The following SETDB1 variants were observed in gnomAD, a reference collection of about 807,000 sequenced individuals.
SETDB1 encodes the protein SET domain bifurcated histone lysine methyltransferase 1.
In SETDB1, 31 loss-of-function variants were observed where a neutral mutation model predicts 137.4. The ratio of observed to expected loss-of-function variants is 0.23; its 90% CI spans 0.17 to 0.30. The LOEUF is 0.30. SETDB1 is among the 10% of genes least tolerant of loss of function. The pLI, the probability that SETDB1 is intolerant of heterozygous loss-of-function variation, is 1.00. For missense variants in SETDB1, 1,113 were observed against 1,631.5 expected, an observed-to-expected ratio of 0.68 and a Z score of 5.47; for synonymous variants, 548 against 579.9, an observed-to-expected ratio of 0.95 and a Z score of 0.79.
rs777022782 is a variant in SETDB1 at position 150,959,324 on chromosome 1, G to C, written c.2480G>C (p.Gly827Ala). 3.1e-6 allele frequency: 5 copies of C among 1,605,708 alleles called. No homozygotes were observed. Among genetic ancestry groups the C allele is most frequent in the East Asian group, 2.3e-5 (1 of 44,420 alleles). ...CGCTGCTTGGATGACATTGCCAAAG[G>C]CTCTTTTGTTTGTATTTATGCAGGT... ...GIRCLDDIAK[G>A]SFVCIYAGKI... The change falls in exon 15 of 22, where the codon GGC (glycine) becomes GCC (alanine). Residue 827 changes from glycine to alanine, a missense_variant. Physicochemically the swap from Gly to Ala is moderately conservative, Grantham distance 60 (BLOSUM62 0). Coordinates refer to ENST00000692827, the MANE Select transcript of SETDB1 (RefSeq NM_001366418.1).
chr1:150,942,215 C>T (rs1571638528), intron 5 of SETDB1, among the ~76,000 whole-genome samples: 1 of 151,448 alleles, frequency 6.6e-6, no homozygotes, highest in Non-Finnish European at 1.5e-5. Context: ...CCGAGGCAGG[C>T]GGATCATGAG....
intron 20 of SETDB1, 23 bp from the exon 21 acceptor site, chr1:150,963,972 T>C: frequency 6.2e-7 from 1 of 1,608,554 alleles, no homozygotes. Flanking sequence ...GGTTCTTATT[T>C]GATCCTGTCC....
chr1:150,930,211 C>T (rs1669680317), intron 3 of SETDB1, 93 bp downstream of exon 3: 1 of 1,108,524 alleles, frequency 9.0e-7, no homozygotes, highest in Non-Finnish European at 1.3e-6. Flanking sequence ...GAGGAGAAAC[C>T]ATTGTCACTA....
In SETDB1 at chr1:150,949,189, C is replaced by G; in HGVS notation, c.1335C>G (p.Phe445Leu). 2 of 1,614,050 alleles carry G rather than the reference C, an allele frequency of 1.2e-6. No homozygotes were observed. Among genetic ancestry groups the G allele is most frequent in the Non-Finnish European group, 1.7e-6 (2 of 1,179,976 alleles). The change falls in exon 11 of 22, where the codon TTC (phenylalanine) becomes TTG (leucine). Residue 445 changes from phenylalanine (F) to leucine (L), a missense_variant. By Grantham distance (22) the Phe-to-Leu change is conservative. Transcript: ENST00000692827. Reference protein sequence around the residue: ...TQDLTGTGTQFKPVEPPQPTA... With the variant: ...TQDLTGTGTQLKPVEPPQPTA... ...ATCTGACCGGTACTGGAACCCAGTT[C>G]AAGCCAGTGGAACCCCCACAGCCTA...
chr1:150,963,934 TC>T, intron 20 of SETDB1, 60 bp from the exon 21 acceptor site: 7 of 1,502,976 alleles, frequency 4.7e-6, no homozygotes, highest in Non-Finnish European at 5.6e-6. Context: ...ACTCTCACTC[TC>T]CCTGCAAAGC....
chr1:150,951,221 G>A, intron 13 of SETDB1, 131 bp downstream of exon 13: 1 of 1,187,914 alleles, frequency 8.4e-7, no homozygotes, highest in Non-Finnish European at 1.2e-6. Flanking sequence ...TGGAACTCCT[G>A]CTATAAGGCC....
At chr1:150,945,725 T>A (rs1452146788) in intron 9 of SETDB1, among the ~76,000 whole-genome samples, 1 of 152,154 alleles carries the variant, frequency 6.6e-6, no homozygotes, top group Non-Finnish European at 1.5e-5. Flanking sequence ...TTTTGTTTGG[T>A]GTTTTGTTTT....
At position 150,963,577 on chromosome 1, in the gene SETDB1, CTTAAATCAACCCATGGGATTGCAA is replaced by C. The variant is rs764710936; in HGVS notation, c.3520_3543del (p.His1174_Thr1181del). On this transcript the variant is annotated inframe_deletion, in exon 20 of 22. Transcript: ENST00000692827. ...AGTAAAATCAACCCGAGGCTTTGCT[CTTAAATCAACCCATGGGATTGCAA>C]TTAAATCAACCAACATGGCCTCTGT... is the stretch of plus-strand genomic sequence containing the variant. The C allele has an allele frequency of 2.1e-5, 34 of 1,614,060 alleles. No homozygotes were observed. The highest frequency in any genetic ancestry group is 2.9e-5 in the Non-Finnish European group (34 of 1,180,026).
intron 8 of SETDB1, among the ~76,000 whole-genome samples, chr1:150,944,646 A>AT (rs1670267963): frequency 6.6e-6 from 1 of 152,206 alleles, no homozygotes; most frequent in Non-Finnish European, 1.5e-5. Context: ...TTCCACTTGA[A>AT]TTTTCCAGAG....
At chr1:150,944,231 G>A (rs973702160) in intron 8 of SETDB1, among the ~76,000 whole-genome samples, 1 of 152,144 alleles carries the variant, frequency 6.6e-6, no homozygotes, top group Admixed American at 6.6e-5. Context: ...GATCATGAAT[G>A]GCCTTGAGTA....
intron 2 of SETDB1, among the ~76,000 whole-genome samples, chr1:150,929,043 G>A (rs962387655): frequency 6.6e-5 from 10 of 152,094 alleles, no homozygotes; most frequent in East Asian, 1.9e-4. Flanking sequence ...GGATAGTGCC[G>A]CAATAAACAT....
chr1:150,959,060 TA>T, intron 14 of SETDB1, 117 bp from the exon 15 acceptor site: 1 of 704,024 alleles, frequency 1.4e-6, no homozygotes, highest in African/African-American at 1.9e-5. Flanking sequence ...ACCTAATTTT[TA>T]ATCTTTATCC....
At chr1:150,933,217 G>A (rs894707844) in intron 3 of SETDB1, among the ~76,000 whole-genome samples, 10 of 151,536 alleles carry the variant, frequency 6.6e-5, no homozygotes, top group Non-Finnish European at 1.5e-5. Flanking sequence ...ATGCCGCCAC[G>A]CCCAGCTAAC....
intron 7 of SETDB1, 103 bp downstream of exon 7, chr1:150,943,156 C>A: frequency 1.3e-6 from 1 of 758,572 alleles, no homozygotes; most frequent in Non-Finnish European, 2.2e-6. Flanking sequence ...TCTTCTTAGT[C>A]CCCAGTGGAC....
Position 150,963,050 on chromosome 1 carries a change from C to G in SETDB1, c.3371C>G (p.Thr1124Ser). 6.2e-7 allele frequency: 1 copy of G among 1,614,182 alleles called. No homozygotes were observed. The change falls in exon 19 of 22, where the codon ACT becomes AGT. Residue 1124 changes from threonine to serine, a missense_variant. Around this residue, in one of 11 missense-constraint regions of SETDB1, gnomAD observed 373 missense variants for 412.7 expected, o/e 0.90. Coordinates refer to ENST00000692827, the MANE Select transcript of SETDB1 (RefSeq NM_001366418.1). Reference sequence around the variant, plus strand: ...AGCCGAAAGCCCACTGCTGGTCAGACTTCGGCTACAGCGGTTGACAGTGAT... The same window carrying G: ...AGCCGAAAGCCCACTGCTGGTCAGAGTTCGGCTACAGCGGTTGACAGTGAT... ...GTSRKPTAGQ[T>S]SATAVDSDDI...
intron 3 of SETDB1, among the ~76,000 whole-genome samples, chr1:150,939,671 G>A (rs1480566913): frequency 6.6e-6 from 1 of 151,896 alleles, no homozygotes; most frequent in African/African-American, 2.4e-5. Flanking sequence ...GCCCAGGCTA[G>A]TCTTGAACTG....
chr1:150,930,531 T>TC (rs1669695496), intron 3 of SETDB1: 1 of 130,894 alleles, frequency 7.6e-6, no homozygotes, highest in Non-Finnish European at 1.6e-5. Context: ...TTTTTTTTTT[T>TC]TTTTTTTTTT....
At chr1:150,964,189 C>G in intron 21 of SETDB1, 58 bp from the exon 22 acceptor site, 3 of 1,551,712 alleles carry the variant, frequency 1.9e-6, no homozygotes, top group Non-Finnish European at 2.7e-6. Flanking sequence ...TTCAGTAACC[C>G]CAAGTGCCTG....
intron 4 of SETDB1, 48 bp from the exon 5 acceptor site, chr1:150,941,281 C>A (rs1670141722): frequency 9.9e-7 from 1 of 1,011,584 alleles, no homozygotes; most frequent in Non-Finnish European, 1.6e-6. Flanking sequence ...TTATTTGTAA[C>A]CCATGCTACT....
Sources: allele counts gnomAD v4.1 joint callset (sites outside exome capture counted in the v4.1 genomes callset), GRCh38; gene constraint gnomAD v4.1.1; regional missense constraint gnomAD v4.1.1; transcripts MANE v1.5; gene names NCBI Gene and HGNC (gene_info 2026-07-23, HGNC 2026-07-21).